The following ESPL1 variants were observed in gnomAD, a reference collection of about 807,000 sequenced individuals.
ESPL1 encodes extra spindle pole bodies like 1, separase, also known as separin.
A neutral mutation model predicts 217.2 loss-of-function variants in ESPL1; 50 were observed. The observed-to-expected ratio is 0.23, with a 90% confidence interval of 0.18 to 0.29. ESPL1 has a LOEUF of 0.29. Among genes scored for constraint, ESPL1 ranks in the 10% least tolerant of loss-of-function variants. The pLI is 1.00. For synonymous variants in ESPL1, 994 were observed against 1,081.3 expected (o/e 0.92, Z 1.58); for missense variants, 1,834 against 2,603.0 (o/e 0.70, Z 6.43).
intron 3 of ESPL1, 120 bp downstream of exon 3, chr12:53,270,205 T>C (rs1943644254): frequency 2.0e-6 from 2 of 1,025,310 alleles, no homozygotes; most frequent in East Asian, 2.4e-5. Flanking sequence ...CTCTGGACAG[T>C]GCCTAGCGAG....
Position 53,272,781 on chromosome 12 carries a change from G to A in ESPL1, c.1430G>A (p.Cys477Tyr), listed in dbSNP as rs766271891. 6.2e-7 allele frequency: 1 copy of A among 1,614,186 alleles called. No individual in the cohort carries two copies. The highest frequency in any genetic ancestry group is 8.5e-7 in the Non-Finnish European group (1 of 1,180,038). ...FYSHKLYAEA[C>Y]AISEPLCQHL... is the part of the protein sequence containing the mutation. ...AGTCACAAGCTCTATGCCGAGGCCT[G>A]TGCCATCTCTGAGCCGCTCTGTCAG... The change falls in exon 6 of 31, where the codon TGT (cysteine) becomes TAT (tyrosine). Residue 477 changes from cysteine (C) to tyrosine (Y), a missense_variant. This residue lies in a region of ESPL1 where 746 missense variants were observed against 1,077.0 expected (regional missense o/e 0.69). Transcript: ENST00000257934.
intron 9 of ESPL1, 22 bp from the exon 10 acceptor site, chr12:53,277,448 A>G: frequency 6.2e-7 from 1 of 1,611,092 alleles, no homozygotes; most frequent in East Asian, 2.2e-5. Flanking sequence ...GCCCTGTTTT[A>G]TACCCCGATC....
chr12:53,272,937 C>A, intron 6 of ESPL1, 80 bp downstream of exon 6: 1 of 1,493,578 alleles, frequency 6.7e-7, no homozygotes. Flanking sequence ...TCACCAGCAC[C>A]CTGCCTTGGA....
intron 11 of ESPL1, among the ~76,000 whole-genome samples, chr12:53,278,895 G>GC (rs1325766327): frequency 1.7e-4 from 25 of 146,640 alleles, no homozygotes; most frequent in African/African-American, 5.6e-4. Context: ...TTTCCGCCCC[G>GC]CCCCCCCGCC....
chr12:53,283,926 C>T, intron 16 of ESPL1, 132 bp from the exon 17 acceptor site: 1 of 719,066 alleles, frequency 1.4e-6, no homozygotes, highest in East Asian at 2.5e-5. Flanking sequence ...TTTAAGTCAG[C>T]TTAAGGGAGT....
chr12:53,269,424 G>A lies in ESPL1; in HGVS notation c.482G>A (p.Arg161Gln). ...LWKGAEALLERRAAFAARLKA... is the reference protein window; with the variant it reads ...LWKGAEALLEQRAAFAARLKA... ...AAGGGGGCAGAAGCCCTGTTGGAAC[G>A]GCGAGCTGCATTTGCAGCTCGGCTG... Residue 161 changes from arginine (R) to glutamine (Q), a missense_variant, in exon 3 of 31, where the codon CGG becomes CAG. Transcript: ENST00000257934. The surrounding 1 kb of genome is among the most constrained non-coding windows in gnomAD (Gnocchi z 6.7). The A allele has an allele frequency of 1.9e-6, 3 of 1,613,864 alleles. No individual in the cohort carries two copies. The highest frequency in any genetic ancestry group is 1.7e-5 in the Admixed American group (1 of 59,924).
At chr12:53,289,845 A>G (rs1473470440) in intron 22 of ESPL1, 23 of 605,442 alleles carry the variant, frequency 3.8e-5, no homozygotes, top group South Asian at 4.2e-5. Context: ...CTGTGCTAAC[A>G]TGAAACATAT....
In ESPL1 at chr12:53,282,105, T is replaced by A. The variant is rs1943871754; in HGVS notation, c.2620-159T>A. 1.6e-6 allele frequency: 1 copy of A among 635,352 alleles called. No individual in the cohort carries two copies. Among genetic ancestry groups the A allele is most frequent in the Non-Finnish European group, 2.8e-6 (1 of 358,084 alleles). 39.4% of individuals were successfully genotyped at this position (635,352 alleles called of 1,614,324 possible). On this transcript the variant is annotated intron_variant, in intron 13 of 30. Coordinates refer to ENST00000257934, the MANE Select transcript of ESPL1 (RefSeq NM_012291.5). The surrounding 1 kb of genome is among the most constrained non-coding windows in gnomAD (Gnocchi z 4.0). Reference sequence around the variant, plus strand: ...CAGGGTCAGGAACATTCTGCCTAGGTCCAGGGAGATCTCGAAAGCCAGGCA... The same window carrying A: ...CAGGGTCAGGAACATTCTGCCTAGGACCAGGGAGATCTCGAAAGCCAGGCA...
At chr12:53,268,684 C>A in intron 1 of ESPL1, 71 bp from the exon 2 acceptor site, 1 of 898,882 alleles carries the variant, frequency 1.1e-6, no homozygotes, top group Non-Finnish European at 1.7e-6. Flanking sequence ...CCTTCCACGA[C>A]CTTCAGCCCT....
chr12:53,286,616 T>C lies in ESPL1; in HGVS notation c.3880T>C (p.Trp1294Arg). The C allele has an allele frequency of 6.2e-7, 1 of 1,614,152 alleles. No homozygotes were observed. Among genetic ancestry groups the C allele is most frequent in the Non-Finnish European group, 8.5e-7 (1 of 1,180,036 alleles). The part of the protein sequence containing the change: ...TTQLFASSWG[W>R]QPPLIKSVPG... ...CCAACTTTTTGCAAGCTCCTGGGGCTGGCAGCCACCATTAATAAAAAGTGT... is the reference window on the plus strand; with the variant it reads ...CCAACTTTTTGCAAGCTCCTGGGGCCGGCAGCCACCATTAATAAAAAGTGT... Residue 1294 changes from tryptophan (W) to arginine (R), a missense_variant, in exon 18 of 31, where the codon TGG (tryptophan) becomes CGG (arginine). Transcript: ENST00000257934. This position sits in a 1 kb window ranked among gnomAD's most constrained non-coding sequence, Gnocchi z 5.3.
rs542535657 is a variant in ESPL1 at position 53,280,657 on chromosome 12, C to T, written c.2499+791C>T. ...TACTGATAATACAGGCATGAGCCAC[C>T]GTGCCCAGCTACTGCTTACTCTGTA... On this transcript the variant is annotated intron_variant, in intron 12 of 30. Transcript: ENST00000257934. 2.0e-3 allele frequency among the ~76,000 whole-genome samples: 311 copies of T among 152,138 alleles called. 1 individual carries two copies. Among genetic ancestry groups the T allele is most frequent in the Non-Finnish European group, 3.5e-3 (239 of 68,016 alleles).
In ESPL1 at chr12:53,270,791, G is replaced by A; in HGVS notation, c.1362G>A (p.Gly454=). The A allele has an allele frequency of 2.5e-6, 4 of 1,614,204 alleles. No homozygotes were observed. The highest frequency in any genetic ancestry group is 3.4e-6 in the Non-Finnish European group (4 of 1,180,016). ...GCCAAGAGCTGACGGACCACATGGG[G>A]ATGACCGGTTAGTGCCCTGGGTCCC... The part of the protein sequence containing the change: ...LSGQELTDHM[G]MTASYTSNLA... Residue 454 remains glycine (G), a synonymous_variant, in exon 5 of 31, where the codon GGG becomes GGA. Coordinates refer to ENST00000257934, the MANE Select transcript of ESPL1 (RefSeq NM_012291.5).
chr12:53,271,419 G>T (rs140275194), intron 5 of ESPL1, among the ~76,000 whole-genome samples: 236 of 151,982 alleles, frequency 1.6e-3, no homozygotes, highest in African/African-American at 5.5e-3. Context: ...ATGATGTCTG[G>T]CCATATTGTC....
rs1469413654 is a variant in ESPL1 at position 53,292,071 on chromosome 12, T to C, written c.5779T>C (p.Tyr1927His). ...RLPSFRFLLS[Y>H]SIIKEYGASP... Reference sequence around the variant, plus strand: ...GCCCTCCTTCCGCTTCCTACTCAGCTACTCCATCATCAAAGAGGTGGGGTT... The same window carrying C: ...GCCCTCCTTCCGCTTCCTACTCAGCCACTCCATCATCAAAGAGGTGGGGTT... The change falls in exon 27 of 31, where the codon TAC becomes CAC. Residue 1927 changes from tyrosine to histidine, a missense_variant. Physicochemically the swap from Tyr to His is moderately conservative, Grantham distance 83. Transcript: ENST00000257934. This position sits in a 1 kb window ranked among gnomAD's most constrained non-coding sequence, Gnocchi z 4.5. 6.2e-7 allele frequency: 1 copy of C among 1,613,660 alleles called. No individual in the cohort carries two copies. The highest frequency in any genetic ancestry group is 1.1e-5 in the South Asian group (1 of 91,076).
intron 11 of ESPL1, 149 bp from the exon 12 acceptor site, chr12:53,279,583 G>A: frequency 1.2e-6 from 1 of 840,792 alleles, no homozygotes; most frequent in South Asian, 1.6e-5. Context: ...CAGTAGGGGT[G>A]GGGTGATGAT....
Position 53,292,854 on chromosome 12 carries a change from C to T in ESPL1, c.6045C>T (p.Val2015=). 8.7e-6 allele frequency: 14 copies of T among 1,612,510 alleles called. No individual in the cohort carries two copies. The highest frequency in any genetic ancestry group is 1.2e-5 in the Non-Finnish European group (14 of 1,180,026). Residue 2015 remains valine (V), a synonymous_variant, in exon 30 of 31, where the codon GTC becomes GTT. Transcript: ENST00000257934. This position sits in a 1 kb window ranked among gnomAD's most constrained non-coding sequence, Gnocchi z 4.5. ...AGARFLDGQA[V]LRLSCRAVAL... ...CCCGCTTCCTTGATGGGCAGGCTGT[C>T]CTGCGGCTGAGCTGTCGGGCAGTGG...
Position 53,288,127 on chromosome 12 carries a change from T to C in ESPL1, c.4332T>C (p.Ser1444=), listed in dbSNP as rs764500139. 1 of 1,613,644 alleles carries C rather than the reference T, an allele frequency of 6.2e-7. No individual in the cohort carries two copies. Among genetic ancestry groups the C allele is most frequent in the Non-Finnish European group, 8.5e-7 (1 of 1,179,932 alleles). ...LKTDAVVAPG[S]APGNPGLNGR... Reference sequence around the variant, plus strand: ...CGGATGCCGTGGTTGCCCCAGGTAGTGCCCCTGGGAACCCTGGCCTGAATG... The same window carrying C: ...CGGATGCCGTGGTTGCCCCAGGTAGCGCCCCTGGGAACCCTGGCCTGAATG... The change falls in exon 19 of 31, where the codon AGT becomes AGC. Residue 1444 remains serine, a synonymous_variant. Transcript: ENST00000257934.
intron 7 of ESPL1, 37 bp from the exon 8 acceptor site, chr12:53,276,583 T>TG: frequency 6.4e-7 from 1 of 1,556,466 alleles, no homozygotes; most frequent in South Asian, 1.2e-5. Flanking sequence ...TTATGCCTCC[T>TG]GGGTTCCACC....
At chr12:53,281,326 T>TG (rs925423650) in intron 12 of ESPL1, among the ~76,000 whole-genome samples, 181 bp from the exon 13 acceptor site, 6 of 151,992 alleles carry the variant, frequency 3.9e-5, no homozygotes, top group Non-Finnish European at 5.9e-5. Context: ...TTAGTAGAGA[T>TG]GGGGGTGTCA....
Sources: gnomAD v4.1 joint callset for allele counts (sites outside exome capture counted in the v4.1 genomes callset) on GRCh38, gnomAD v4.1.1 for gene constraint, gnomAD v4.1.1 regional missense constraint, Gnocchi (gnomAD v3.1) non-coding constraint, MANE v1.5 for transcripts, NCBI Gene and HGNC (gene_info 2026-07-23, HGNC 2026-07-21) for gene names.